CRYBB2: variants seen among roughly 807,000 people sequenced by gnomAD.
CRYBB2 encodes beta-crystallin B2.
Under a neutral mutation model 24.3 loss-of-function variants are expected in CRYBB2, and 12 were observed. That is an observed-to-expected ratio of 0.49 (90% CI 0.32 to 0.80). CRYBB2 has a LOEUF of 0.80. Among genes scored for constraint, CRYBB2 ranks in the 30% least tolerant of loss-of-function variants. CRYBB2 has a pLI of 0.04. For synonymous variants in CRYBB2, 98 were observed against 101.6 expected, an observed-to-expected ratio of 0.96 and a Z score of 0.21; for missense variants, 198 against 268.5, an observed-to-expected ratio of 0.74 and a Z score of 1.83.
upstream of CRYBB2, among the ~76,000 whole-genome samples, chr22:25,216,960 T>C (rs1383824587): frequency 6.6e-6 from 1 of 152,222 alleles, no homozygotes; most frequent in Non-Finnish European, 1.5e-5. Flanking sequence ...TTTCCTTTCT[T>C]TTTAAGGCTG....
chr22:25,218,133 C>A (rs1935205165), upstream of CRYBB2, among the ~76,000 whole-genome samples: 1 of 151,000 alleles, frequency 6.6e-6, no homozygotes, highest in Non-Finnish European at 1.5e-5. Context: ...TTGGCGGGCG[C>A]CTGTAGTCCC....
intron 2 of CRYBB2, among the ~76,000 whole-genome samples, chr22:25,224,056 G>A (rs888969771): frequency 4.0e-5 from 6 of 151,520 alleles, no homozygotes; most frequent in East Asian, 1.9e-4. Context: ...CCCAGGAGGC[G>A]GAGCTTGCAG....
chr22:25,221,455 C>G lies in CRYBB2; in HGVS notation c.26C>G (p.Ala9Gly). Residue 9 changes from alanine to glycine, a missense_variant, in exon 2 of 6, where the codon GCG becomes GGG. Coordinates refer to ENST00000398215, the MANE Select transcript of CRYBB2 (RefSeq NM_000496.3). MASDHQTQ[A>G]GKPQSLNPKI... ...ATGGCCTCAGATCACCAGACCCAGG[C>G]GGGCAAGCCACAGTCCCTCAACCCC... is the stretch of plus-strand genomic sequence containing the variant. 6.2e-7 allele frequency: 1 copy of G among 1,613,728 alleles called. No individual in the cohort carries two copies. The highest frequency in any genetic ancestry group is 2.2e-5 in the East Asian group (1 of 44,872).
chr22:25,225,074 G>T (rs756415178), intron 3 of CRYBB2, 38 bp downstream of exon 3: 17 of 1,108,266 alleles, frequency 1.5e-5, no homozygotes, highest in Non-Finnish European at 2.2e-5. Context: ...CAGGGACTTT[G>T]GGTGAGGTGA....
chr22:25,226,954 G>C (rs146514735), intron 3 of CRYBB2, among the ~76,000 whole-genome samples: 1 of 152,078 alleles, frequency 6.6e-6, no homozygotes, highest in Non-Finnish European at 1.5e-5. Flanking sequence ...GATTACAGGC[G>C]TGAGCCACAG....
chr22:25,212,747 T>C (rs1035586775), exon 1 of CRYBB2: 10 of 152,178 alleles, frequency 6.6e-5, no homozygotes, highest in Admixed American at 2.6e-4. Context: ...GGGAGGCAGC[T>C]ATAATCTTGG....
chr22:25,225,791 T>C (rs997284430), intron 3 of CRYBB2, among the ~76,000 whole-genome samples: 6 of 152,322 alleles, frequency 3.9e-5, no homozygotes, highest in Admixed American at 3.3e-4. Context: ...CAGAGTTCCA[T>C]GGTCCTACAT....
chr22:25,220,211 C>G (rs1416683031), intron 1 of CRYBB2, among the ~76,000 whole-genome samples: 1 of 152,210 alleles, frequency 6.6e-6, no homozygotes, highest in African/African-American at 2.4e-5. Context: ...CTGCCATTTG[C>G]TGCATGCTGA....
Position 25,229,440 on chromosome 22 carries a change from G to A in CRYBB2, c.311G>A (p.Ser104Asn), listed in dbSNP as rs1935494118. Residue 104 changes from serine to asparagine, a missense_variant, in exon 5 of 6, where the codon AGC (serine) becomes AAC (asparagine). Physicochemically the swap from Ser to Asn is conservative, Grantham distance 46. Coordinates refer to ENST00000398215, the MANE Select transcript of CRYBB2 (RefSeq NM_000496.3). The stretch of plus-strand genomic sequence containing the variant: ...CCCCCCATCCTCTGCCAATAGGACA[G>A]CCAAGAGCACAAGATCATCCTCTAT... ...LSSLRPIKVD[S>N]QEHKIILYEN... 6.2e-7 allele frequency: 1 copy of A among 1,609,044 alleles called. No homozygotes were observed.
At chr22:25,231,199 C>A (rs954628471) in intron 5 of CRYBB2, among the ~76,000 whole-genome samples, 1 of 152,148 alleles carries the variant, frequency 6.6e-6, no homozygotes, top group Non-Finnish European at 1.5e-5. Flanking sequence ...GGAACCTCCC[C>A]CAACTCTTCT....
chr22:25,230,460 ACGG>A (rs1209587656), intron 5 of CRYBB2, among the ~76,000 whole-genome samples: 18 of 152,158 alleles, frequency 1.2e-4, no homozygotes, highest in African/African-American at 4.3e-4. Context: ...CTGGCCTGGA[ACGG>A]ACTCTTAAAT....
chr22:25,228,012 C>T, intron 4 of CRYBB2, 27 bp downstream of exon 4: 1 of 1,613,962 alleles, frequency 6.2e-7, no homozygotes, highest in Non-Finnish European at 8.5e-7. Flanking sequence ...CACCCTACTC[C>T]CTCTCTCTGC....
chr22:25,224,135 AC>A (rs201274918), intron 2 of CRYBB2, among the ~76,000 whole-genome samples: 16,350 of 143,768 alleles, frequency 0.11, 1,363 homozygotes, highest in Non-Finnish European at 0.16. Context: ...AAAAAAAAAA[AC>A]AAAAAACCTC....
At chr22:25,214,746 A>G (rs149210984), upstream of CRYBB2, among the ~76,000 whole-genome samples, 1 of 152,342 alleles carries the variant, frequency 6.6e-6, no homozygotes. Flanking sequence ...ATTCTTCGCA[A>G]GTGTGGGAAA....
intron 3 of CRYBB2, among the ~76,000 whole-genome samples, chr22:25,226,600 A>G (rs1935422387): frequency 6.6e-6 from 1 of 152,222 alleles, no homozygotes; most frequent in Non-Finnish European, 1.5e-5. Context: ...GTTACTGGAT[A>G]TTATAAACAA....
At chr22:25,227,710 G>A in intron 3 of CRYBB2, 143 bp from the exon 4 acceptor site, 2 of 1,408,974 alleles carry the variant, frequency 1.4e-6, no homozygotes, top group Non-Finnish European at 2.0e-6. Flanking sequence ...TGGATTTGCT[G>A]TGCTAAGGTT....
intron 1 of CRYBB2, chr22:25,213,215 T>C (rs947275154): frequency 6.6e-6 from 1 of 152,214 alleles, no homozygotes; most frequent in Non-Finnish European, 1.5e-5. Context: ...TTGTTTCTGA[T>C]AGCTATGAGA....
chr22:25,224,953 C>T lies in CRYBB2; in HGVS notation c.90C>T (p.His30=), dbSNP rs1446234610. Residue 30 remains histidine (H), a synonymous_variant, in exon 3 of 6, where the codon CAC becomes CAT. Transcript: ENST00000398215. ...IIFEQENFQG[H]SHELNGPCPN... Reference sequence around the variant, plus strand: ...TTGAGCAGGAAAACTTTCAAGGCCACTCGCATGAGCTCAATGGGCCCTGCC... The same window carrying T: ...TTGAGCAGGAAAACTTTCAAGGCCATTCGCATGAGCTCAATGGGCCCTGCC... 3 of 1,612,086 alleles carry T rather than the reference C, an allele frequency of 1.9e-6. No homozygotes were observed. In the South Asian group the frequency reaches 3.3e-5, roughly 18 times the overall value.
At chr22:25,228,940 G>C (rs1160440240) in intron 4 of CRYBB2, among the ~76,000 whole-genome samples, 1 of 152,102 alleles carries the variant, frequency 6.6e-6, no homozygotes, top group Non-Finnish European at 1.5e-5. Context: ...GTGTGCACGT[G>C]TGTGCGCGCA....
Sources: gnomAD v4.1 joint callset for allele counts (sites outside exome capture counted in the v4.1 genomes callset) on GRCh38, gnomAD v4.1.1 for gene constraint, MANE v1.5 for transcripts, NCBI Gene and HGNC (gene_info 2026-07-23, HGNC 2026-07-21) for gene names.